Variants in CTBP2 observed in about 807,000 individuals in gnomAD.
The protein encoded by CTBP2 is C-terminal binding protein 2.
Under a neutral mutation model 80.3 loss-of-function variants are expected in CTBP2, and 30 were observed. The observed-to-expected ratio is 0.37, with a 90% CI of 0.28 to 0.51. The LOEUF (loss-of-function observed/expected upper bound fraction) is 0.51, where lower values mean the gene tolerates loss of function less well. Ranked by LOEUF, CTBP2 falls within the 20% of genes least tolerant of loss-of-function variation. The pLI is 0.93. For synonymous variants in CTBP2, 594 were observed against 587.4 expected (o/e 1.01, Z -0.16); for missense variants, 1,212 against 1,375.3 (o/e 0.88, Z 1.88).
At chr10:124,997,677 G>C in intron 4 of CTBP2, 1 of 493,480 alleles carries the variant, frequency 2.0e-6, no homozygotes, top group Non-Finnish European at 3.7e-6. Context: ...AATTTACTGG[G>C]CACAGCGCCT....
chr10:125,117,672 G>A (rs1022220584), intron 1 of CTBP2, among the ~76,000 whole-genome samples: 1 of 152,210 alleles, frequency 6.6e-6, no homozygotes. Flanking sequence ...GGGTGTACCC[G>A]AGAGGTTGTC....
chr10:125,144,266 G>A (rs565958757), intron 1 of CTBP2, among the ~76,000 whole-genome samples: 1 of 152,230 alleles, frequency 6.6e-6, no homozygotes, highest in East Asian at 1.9e-4. Flanking sequence ...CCCTAGAATG[G>A]GGTCATGTGA....
intron 4 of CTBP2, among the ~76,000 whole-genome samples, chr10:124,995,197 G>A (rs11245453): frequency 0.19 from 29,194 of 152,182 alleles, 3,502 homozygotes; most frequent in Middle Eastern, 0.3. Flanking sequence ...AGGCTGGCCC[G>A]AGTGCAGACT....
chr10:125,123,211 T>C (rs1366432228), intron 1 of CTBP2, among the ~76,000 whole-genome samples: 1 of 145,864 alleles, frequency 6.9e-6, no homozygotes, highest in Non-Finnish European at 1.5e-5. Flanking sequence ...TGGATATGAC[T>C]ATAAAAGGGC....
chr10:125,092,914 T>TGG (rs139587093), intron 2 of CTBP2, among the ~76,000 whole-genome samples: 42 of 149,824 alleles, frequency 2.8e-4, no homozygotes, highest in Admixed American at 1.0e-3. Context: ...CCTTCTAGAG[T>TGG]GGGGGGGGGC....
At chr10:125,077,177 C>G (rs533430326) in intron 2 of CTBP2, among the ~76,000 whole-genome samples, 1 of 152,114 alleles carries the variant, frequency 6.6e-6, no homozygotes, top group Non-Finnish European at 1.5e-5. Context: ...TGTCAGGCAC[C>G]GCTACCACCA....
Position 125,003,036 on chromosome 10 carries a change from C to T in CTBP2, c.1902G>A (p.Lys634=), listed in dbSNP as rs201760950. 10 of 1,614,000 alleles carry T rather than the reference C, an allele frequency of 6.2e-6. No individual in the cohort carries two copies. Among genetic ancestry groups the T allele is most frequent in the Middle Eastern group, 1.6e-4 (1 of 6,084 alleles). ...GCACGATCACTCTCAGGGCCTTGAA[C>T]TTCTCCAGGTCCTCCCTGGTGAGGG... is the stretch of plus-strand genomic sequence containing the variant. Residue 634 remains lysine (K), a synonymous_variant, in exon 3 of 9, where the codon AAG becomes AAA. Transcript: ENST00000309035.
intron 2 of CTBP2, among the ~76,000 whole-genome samples, chr10:125,056,193 ATAG>A (rs1036507128): frequency 6.8e-6 from 1 of 147,336 alleles, no homozygotes; most frequent in Non-Finnish European, 1.5e-5. Context: ...AATAATAATA[ATAG>A]TAATAATAAT....
chr10:125,007,430 C>T lies in CTBP2; in HGVS notation c.1679-3938G>A, dbSNP rs772182044. On this transcript the variant is annotated intron_variant, in intron 1 of 8. Transcript: ENST00000309035. ...AGAGATGCTCAGTCAAAAACAAAGA[C>T]AACACCAGGCCAAACTGCTGGACTT... 5.3e-5 allele frequency among the ~76,000 whole-genome samples: 8 copies of T among 152,378 alleles called. No individual in the cohort carries two copies. The East Asian group carries it at 1.5e-3, about 29-fold the overall frequency.
intron 2 of CTBP2, among the ~76,000 whole-genome samples, chr10:125,039,536 C>T (rs1055049710): frequency 2.6e-5 from 4 of 152,262 alleles, no homozygotes; most frequent in African/African-American, 9.6e-5. Context: ...CCCAAACGCA[C>T]TCACACTGAG....
chr10:124,996,512 C>T (rs952254036), intron 4 of CTBP2: 3 of 152,650 alleles, frequency 2.0e-5, no homozygotes, highest in Admixed American at 6.5e-5. Flanking sequence ...TGTACAGTCT[C>T]GAGAAAACAG....
At chr10:125,152,243 C>CCCCGGGAG (rs1860109279) in intron 1 of CTBP2, among the ~76,000 whole-genome samples, 1 of 152,140 alleles carries the variant, frequency 6.6e-6, no homozygotes, top group Non-Finnish European at 1.5e-5. Flanking sequence ...GACCCCGGGA[C>CCCCGGGAG]CCCAGAAGCC....
At chr10:125,018,775 C>A (rs968688226) in intron 1 of CTBP2, among the ~76,000 whole-genome samples, 1 of 152,222 alleles carries the variant, frequency 6.6e-6, no homozygotes, top group East Asian at 1.9e-4. Flanking sequence ...TATTGCAGGA[C>A]GCGCTCCCCG....
intron 2 of CTBP2, among the ~76,000 whole-genome samples, chr10:125,064,096 C>T (rs537229888): frequency 6.6e-6 from 1 of 152,146 alleles, no homozygotes; most frequent in East Asian, 1.9e-4. Context: ...TATTTTTGGC[C>T]AGGACAAAGA....
intron 2 of CTBP2, among the ~76,000 whole-genome samples, chr10:125,103,718 G>T (rs929490757): frequency 6.6e-6 from 1 of 152,122 alleles, no homozygotes; most frequent in African/African-American, 2.4e-5. Flanking sequence ...TCCCACCACC[G>T]CGGAAGTGGG....
At chr10:125,003,854 C>A (rs3781441) in intron 1 of CTBP2, among the ~76,000 whole-genome samples, 40,464 of 151,896 alleles carry the variant, frequency 0.27, 6,583 homozygotes, top group African/African-American at 0.46. Flanking sequence ...CCCTCACACA[C>A]TATGACAGGG....
chr10:125,114,366 G>C (rs891141824), intron 1 of CTBP2, among the ~76,000 whole-genome samples: 1 of 152,232 alleles, frequency 6.6e-6, no homozygotes, highest in Middle Eastern at 3.4e-3. Context: ...TGACAGGGGG[G>C]TGTGTACTCT....
chr10:125,004,670 A>T (rs1043918433), intron 1 of CTBP2, among the ~76,000 whole-genome samples: 6 of 152,150 alleles, frequency 3.9e-5, no homozygotes, highest in Non-Finnish European at 7.4e-5. Context: ...TCAACTTTTC[A>T]GATATCCAGA....
intron 2 of CTBP2, among the ~76,000 whole-genome samples, chr10:125,051,669 AAAAAG>A: frequency 6.6e-6 from 1 of 152,232 alleles, no homozygotes; most frequent in East Asian, 1.9e-4. Context: ...CAAAAAAAAA[AAAAAG>A]AAACCTTTTC....
Sources: gnomAD v4.1 joint callset for allele counts (sites outside exome capture counted in the v4.1 genomes callset) on GRCh38, gnomAD v4.1.1 for gene constraint, MANE v1.5 for transcripts, NCBI Gene and HGNC (gene_info 2026-07-23, HGNC 2026-07-21) for gene names.